The following GALNT9 variants were observed in gnomAD, a reference collection of about 807,000 sequenced individuals.
GALNT9 encodes GalNAc transferase 9.
A neutral mutation model predicts 63.1 loss-of-function variants in GALNT9; 47 were observed. That is an observed-to-expected ratio of 0.75 (90% confidence interval 0.59 to 0.95). The LOEUF (loss-of-function observed/expected upper bound fraction) is 0.95. Ranked by LOEUF, GALNT9 falls within the 40% of genes least tolerant of loss-of-function variation. The probability of loss-of-function intolerance (pLI) is 0.00; values close to 1 mark genes in which losing one functional copy is unlikely to be tolerated. For missense variants in GALNT9, 829 were observed against 874.8 expected, an observed-to-expected ratio of 0.95 and a Z score of 0.66; for synonymous variants, 396 against 365.7, an observed-to-expected ratio of 1.08 and a Z score of -0.94.
chr12:132,202,719 C>G (rs1203637071), intron 7 of GALNT9, among the ~76,000 whole-genome samples: 1 of 151,924 alleles, frequency 6.6e-6, no homozygotes, highest in African/African-American at 2.4e-5. Context: ...GGACCCAGTG[C>G]CTGCAGTGGC....
intron 1 of GALNT9, among the ~76,000 whole-genome samples, chr12:132,299,109 C>G (rs1555243568): frequency 1.5e-5 from 2 of 135,758 alleles, no homozygotes. Flanking sequence ...TGAGATAACC[C>G]ACTCCCATGA....
At chr12:132,264,041 G>A (rs2135546234) in intron 2 of GALNT9, among the ~76,000 whole-genome samples, 1 of 152,328 alleles carries the variant, frequency 6.6e-6, no homozygotes, top group African/African-American at 2.4e-5. Flanking sequence ...GGGCAGGTGG[G>A]GGCAGAGAAT....
At chr12:132,311,673 A>T (rs1555245208) in intron 1 of GALNT9, among the ~76,000 whole-genome samples, 1 of 152,190 alleles carries the variant, frequency 6.6e-6, no homozygotes, top group Non-Finnish European at 1.5e-5. Context: ...CTCAGATCCC[A>T]GGACACCAGC....
Position 132,329,072 on chromosome 12 carries a change from G to A in GALNT9, c.132C>T (p.Asp44=). ...TGGCGTGTCGGCTGCGCACCCGGCG[G>A]TCGCCGCTCACGATGCGCACGAGCT... is the stretch of plus-strand genomic sequence containing the variant. ...SQELVRIVSG[D]RRVRSRHAKV... is the part of the protein sequence containing the mutation. Residue 44 remains aspartate, a synonymous_variant, in exon 1 of 11, where the codon GAC becomes GAT. Coordinates refer to ENST00000328957, the MANE Select transcript of GALNT9 (RefSeq NM_001122636.2). 1 of 1,547,650 alleles carries A rather than the reference G, an allele frequency of 6.5e-7. No individual in the cohort carries two copies. The highest frequency in any genetic ancestry group is 8.7e-7 in the Non-Finnish European group (1 of 1,146,386).
chr12:132,273,221 C>G (rs1168296663), intron 2 of GALNT9: 1 of 152,448 alleles, frequency 6.6e-6, no homozygotes, highest in Non-Finnish European at 1.5e-5. Flanking sequence ...CTCCCGGGTT[C>G]AAGCAATTCT....
intron 5 of GALNT9, among the ~76,000 whole-genome samples, 172 bp from the exon 6 acceptor site, chr12:132,248,199 C>T (rs1878788198): frequency 6.6e-6 from 1 of 152,230 alleles, no homozygotes; most frequent in African/African-American, 2.4e-5. Flanking sequence ...CCTCCAGCCA[C>T]CAGGACTTGA....
intron 6 of GALNT9, chr12:132,247,645 T>G: frequency 9.5e-6 from 3 of 314,208 alleles, no homozygotes; most frequent in Non-Finnish European, 5.9e-6. Context: ...CCAGACGCCA[T>G]GGCCGCACTC....
At chr12:132,306,577 C>A (rs1295312982) in intron 1 of GALNT9, among the ~76,000 whole-genome samples, 5 of 152,178 alleles carry the variant, frequency 3.3e-5, no homozygotes, top group Non-Finnish European at 7.4e-5. Context: ...CCAGGCCTTT[C>A]TGGGTACCCC....
intron 7 of GALNT9, among the ~76,000 whole-genome samples, chr12:132,202,051 TGGTATGTGGGCCTG>T (rs1484735353): frequency 6.6e-6 from 1 of 152,220 alleles, no homozygotes; most frequent in East Asian, 1.9e-4. Context: ...CGTCACCTTC[TGGTATGTGGGCCTG>T]GGACAGTCCC....
At chr12:132,325,412 G>A (rs1868995137) in intron 1 of GALNT9, among the ~76,000 whole-genome samples, 1 of 152,204 alleles carries the variant, frequency 6.6e-6, no homozygotes, top group African/African-American at 2.4e-5. Flanking sequence ...GTGTCACACA[G>A]TCATGGGGGG....
intron 6 of GALNT9, among the ~76,000 whole-genome samples, chr12:132,228,225 C>A (rs947066690): frequency 4.7e-4 from 71 of 152,182 alleles, no homozygotes; most frequent in African/African-American, 1.5e-3. Context: ...AAAGGAGACA[C>A]CCCCGCGTCC....
chr12:132,223,209 ACAACCCGCACCC>A (rs1877542482), intron 6 of GALNT9, among the ~76,000 whole-genome samples: 2 of 87,462 alleles, frequency 2.3e-5, no homozygotes, highest in African/African-American at 5.4e-5. Context: ...TACACCCTAC[ACAACCCGCACCC>A]CAGACACCCC....
intron 6 of GALNT9, among the ~76,000 whole-genome samples, chr12:132,212,018 G>T (rs970667594): frequency 5.3e-5 from 8 of 152,232 alleles, no homozygotes; most frequent in East Asian, 3.8e-4. Flanking sequence ...TGGACACTCC[G>T]CATGGCAGCG....
intron 2 of GALNT9, chr12:132,274,733 C>T (rs1409881902): frequency 1.3e-5 from 2 of 152,218 alleles, no homozygotes; most frequent in African/African-American, 4.8e-5. Context: ...TAAGTTGTGG[C>T]TTGGGCTGAA....
intron 1 of GALNT9, among the ~76,000 whole-genome samples, chr12:132,321,263 T>C (rs1868783519): frequency 6.7e-6 from 1 of 149,436 alleles, no homozygotes; most frequent in Non-Finnish European, 1.5e-5. Flanking sequence ...TCGAGGCCCC[T>C]GTGGGTCCAG....
At chr12:132,240,566 C>G (rs1878221752) in intron 6 of GALNT9, 1 of 449,930 alleles carries the variant, frequency 2.2e-6, no homozygotes, top group African/African-American at 2.0e-5. Context: ...GCTGTGGGCT[C>G]CGTGCGTGGC....
intron 6 of GALNT9, among the ~76,000 whole-genome samples, chr12:132,225,839 A>C (rs1877652951): frequency 8.0e-6 from 1 of 125,784 alleles, no homozygotes; most frequent in African/African-American, 3.1e-5. Context: ...CACACACCAC[A>C]CAACCCACAC....
intron 6 of GALNT9, among the ~76,000 whole-genome samples, chr12:132,221,348 T>TC (rs1402909407): frequency 1.5e-3 from 40 of 26,664 alleles, no homozygotes; most frequent in African/African-American, 6.5e-3. Flanking sequence ...TGAGATTGTG[T>TC]CCAAAAAAAA....
rs28702830 is a variant in GALNT9, at chr12:132,310,207, G to A, written c.238+18759C>T. On this transcript the variant is annotated intron_variant, in intron 1 of 10. Coordinates refer to ENST00000328957, the MANE Select transcript of GALNT9 (RefSeq NM_001122636.2). The surrounding 1 kb of genome is among the most constrained non-coding windows in gnomAD (Gnocchi z 4.8). ...CAGGAGGGGAGGAGCTGGGATTCAC[G>A]TGGGGCTGGGCTTGTGAGGGTGCCA... Among the ~76,000 whole-genome samples the A allele has an allele frequency of 0.053, 8,114 of 152,248 alleles. 413 individuals carry two copies. Among genetic ancestry groups the A allele is most frequent in the East Asian group, 0.17 (867 of 5,168 alleles).
Sources: gnomAD v4.1 joint callset for allele counts (sites outside exome capture counted in the v4.1 genomes callset) on GRCh38, gnomAD v4.1.1 for gene constraint, Gnocchi (gnomAD v3.1) non-coding constraint, MANE v1.5 for transcripts, NCBI Gene and HGNC (gene_info 2026-07-23, HGNC 2026-07-21) for gene names.